The following ARL15 variants were observed in gnomAD, a reference collection of about 807,000 sequenced individuals.
ARL15 encodes the protein ARF like GTPase 15, also known as ADP-ribosylation factor-like protein 15.
Under a neutral mutation model 25.2 loss-of-function variants are expected in ARL15, and 19 were observed. That is an observed-to-expected ratio of 0.75 (90% CI 0.53 to 1.10). The LOEUF (loss-of-function observed/expected upper bound fraction) is 1.10. Among genes scored for constraint, ARL15 ranks in the 50% least tolerant of loss-of-function variants. The pLI is 0.00. For missense variants in ARL15, 220 were observed against 246.0 expected (o/e 0.89, Z 0.71); for synonymous variants, 94 against 86.8 (o/e 1.08, Z -0.46).
At chr5:54,074,060 A>G (rs947093287) in intron 4 of ARL15, among the ~76,000 whole-genome samples, 1 of 152,222 alleles carries the variant, frequency 6.6e-6, no homozygotes, top group South Asian at 2.1e-4. Context: ...ATAGCTGAAT[A>G]TTCACTCTGT....
intron 1 of ARL15, among the ~76,000 whole-genome samples, chr5:54,253,160 A>G (rs970192209): frequency 2.0e-5 from 3 of 152,212 alleles, no homozygotes; most frequent in African/African-American, 7.2e-5. Context: ...CTATAGGTAT[A>G]CGGCATTTTA....
At chr5:53,995,851 T>C (rs924162373) in intron 4 of ARL15, among the ~76,000 whole-genome samples, 1 of 152,140 alleles carries the variant, frequency 6.6e-6, no homozygotes, top group African/African-American at 2.4e-5. Context: ...AAAAAGTACT[T>C]TCTCCAGTTG....
chr5:54,187,847 C>T (rs1410330377), intron 1 of ARL15, among the ~76,000 whole-genome samples: 1 of 152,126 alleles, frequency 6.6e-6, no homozygotes, highest in African/African-American at 2.4e-5. Flanking sequence ...GAAAATGGGA[C>T]AGGACATACT....
intron 3 of ARL15, among the ~76,000 whole-genome samples, chr5:54,129,273 T>C (rs1425206175): frequency 6.6e-6 from 1 of 152,128 alleles, no homozygotes; most frequent in African/African-American, 2.4e-5. Context: ...GTCTCCAAAT[T>C]AATAACCTAA....
chr5:53,983,475 C>T (rs1748190308), intron 4 of ARL15, among the ~76,000 whole-genome samples: 1 of 152,174 alleles, frequency 6.6e-6, no homozygotes, highest in South Asian at 2.1e-4. Flanking sequence ...TTAAATCACA[C>T]TATCTCAGCA....
intron 4 of ARL15, among the ~76,000 whole-genome samples, chr5:54,081,671 C>G (rs980089832): frequency 1.3e-5 from 2 of 152,174 alleles, no homozygotes; most frequent in African/African-American, 4.8e-5. Context: ...GAAGAAGGTG[C>G]CTTGCTTCCT....
intron 1 of ARL15, among the ~76,000 whole-genome samples, chr5:54,191,499 T>A (rs1278871374): frequency 2.6e-5 from 4 of 151,816 alleles, no homozygotes; most frequent in Non-Finnish European, 5.9e-5. Context: ...TAAAAAAAAA[T>A]TTTGAAAAAA....
intron 1 of ARL15, among the ~76,000 whole-genome samples, chr5:54,201,238 C>T (rs1173238757): frequency 6.6e-6 from 1 of 152,010 alleles, no homozygotes; most frequent in African/African-American, 2.4e-5. Context: ...TTCTCAATTC[C>T]TTCACCCTAT....
intron 4 of ARL15, among the ~76,000 whole-genome samples, chr5:53,905,824 C>G (rs1006509808): frequency 1.3e-5 from 2 of 152,096 alleles, no homozygotes; most frequent in South Asian, 2.1e-4. Context: ...GTGTTAATAA[C>G]AAAACAATTC....
intron 4 of ARL15, among the ~76,000 whole-genome samples, chr5:54,028,238 G>A (rs1173361771): frequency 6.6e-6 from 1 of 151,850 alleles, no homozygotes; most frequent in African/African-American, 2.4e-5. Context: ...TTCTGTTTTG[G>A]GGTAGCAATG....
intron 4 of ARL15, among the ~76,000 whole-genome samples, chr5:54,067,629 C>T (rs780380625): frequency 3.3e-5 from 5 of 152,150 alleles, no homozygotes; most frequent in Non-Finnish European, 5.9e-5. Context: ...CCAGAGAAAA[C>T]GCAAGTGCTC....
intron 4 of ARL15, among the ~76,000 whole-genome samples, chr5:53,987,585 C>A (rs1212440765): frequency 6.6e-6 from 1 of 151,252 alleles, no homozygotes; most frequent in Non-Finnish European, 1.5e-5. Context: ...GTTAATGATT[C>A]TTTAAAGAAG....
chr5:54,238,824 G>A (rs1417906038), intron 1 of ARL15, among the ~76,000 whole-genome samples: 1 of 152,204 alleles, frequency 6.6e-6, no homozygotes, highest in Non-Finnish European at 1.5e-5. Flanking sequence ...AGGGTAGACT[G>A]ACTCTGTCAA....
chr5:54,285,688 A>G (rs1396726184), intron 1 of ARL15, among the ~76,000 whole-genome samples: 1 of 152,200 alleles, frequency 6.6e-6, no homozygotes, highest in African/African-American at 2.4e-5. Context: ...TCCTGCAAGC[A>G]GTATGTTAAA....
At chr5:54,128,778 G>A (rs892118187) in intron 3 of ARL15, among the ~76,000 whole-genome samples, 5 of 147,254 alleles carry the variant, frequency 3.4e-5, no homozygotes, top group Admixed American at 7.0e-5. Flanking sequence ...CAATCTCAGC[G>A]CACTACAACC....
intron 4 of ARL15, chr5:53,887,492 G>A (rs924858866): frequency 2.2e-5 from 14 of 631,498 alleles, no homozygotes; most frequent in African/African-American, 5.5e-5. Context: ...ACTGACTAAC[G>A]GCATTTAGTA....
At chr5:53,950,862 A>G (rs1452437446) in intron 4 of ARL15, among the ~76,000 whole-genome samples, 1 of 152,232 alleles carries the variant, frequency 6.6e-6, no homozygotes. Context: ...GTAAGTGGCA[A>G]TTAAAATCCC....
chr5:54,308,214 T>C (rs915633101), intron 1 of ARL15, among the ~76,000 whole-genome samples: 6 of 152,168 alleles, frequency 3.9e-5, no homozygotes, highest in Non-Finnish European at 8.8e-5. Flanking sequence ...TTTCTGTTTG[T>C]TTCCATCCAG....
intron 3 of ARL15, among the ~76,000 whole-genome samples, chr5:54,148,238 A>G (rs1753966112): frequency 6.6e-6 from 1 of 152,190 alleles, no homozygotes; most frequent in Non-Finnish European, 1.5e-5. Context: ...AAATGCAAAT[A>G]ACCTGGGCAG....
Sources: allele counts gnomAD v4.1 joint callset (sites outside exome capture counted in the v4.1 genomes callset), GRCh38; gene constraint gnomAD v4.1.1; transcripts MANE v1.5; gene names NCBI Gene and HGNC (gene_info 2026-07-23, HGNC 2026-07-21).